The following SFTPD variants were observed in gnomAD, a reference collection of about 807,000 sequenced individuals.
SFTPD encodes the protein pulmonary surfactant-associated protein D.
Under a neutral mutation model 34.6 loss-of-function variants are expected in SFTPD, and 18 were observed. The observed-to-expected ratio is 0.52, with a 90% CI of 0.36 to 0.77. The LOEUF is 0.77. SFTPD is among the 30% of genes least tolerant of loss of function. The pLI is 0.00. For missense variants in SFTPD, 433 were observed against 468.9 expected (o/e 0.92, Z 0.71); for synonymous variants, 155 against 180.9 (o/e 0.86, Z 1.15).
chr10:79,951,014 AT>A (rs894717209), upstream of SFTPD: 1 of 151,580 alleles, frequency 6.6e-6, no homozygotes, highest in Non-Finnish European at 1.5e-5. Flanking sequence ...CCTTCAATAA[AT>A]TTTTATTTCT....
intron 2 of SFTPD, among the ~76,000 whole-genome samples, chr10:79,943,256 G>A (rs578161745): frequency 6.6e-6 from 1 of 152,254 alleles, no homozygotes; most frequent in East Asian, 1.9e-4. Flanking sequence ...GACAGGTGGT[G>A]CTAACTTGTT....
chr10:79,941,527 A>G lies in SFTPD; in HGVS notation c.551-13T>C. 6.3e-7 allele frequency: 1 copy of G among 1,574,994 alleles called. No individual in the cohort carries two copies. Among genetic ancestry groups the G allele is most frequent in the Non-Finnish European group, 8.6e-7 (1 of 1,160,864 alleles). On this transcript the variant is annotated splice_polypyrimidine_tract_variant and intron_variant, in intron 5 of 7. Coordinates refer to ENST00000372292, the MANE Select transcript of SFTPD (RefSeq NM_003019.5). ...GCTCCAGCAGACCCTGGGGTAAAAG[A>G]AGAACTGGGTGAGCTATGTACTCAT... is the stretch of plus-strand genomic sequence containing the variant.
intron 7 of SFTPD, among the ~76,000 whole-genome samples, chr10:79,938,743 G>A (rs1049508172): frequency 2.0e-5 from 3 of 152,176 alleles, no homozygotes; most frequent in Non-Finnish European, 4.4e-5. Context: ...TCTGTGCTGT[G>A]TGATGGGGTG....
chr10:79,958,728 A>C (rs1463237339), intron 1 of SFTPD, among the ~76,000 whole-genome samples: 1 of 152,226 alleles, frequency 6.6e-6, no homozygotes, highest in African/African-American at 2.4e-5. Flanking sequence ...AACATTAGAC[A>C]GATCAACAAG....
chr10:79,944,425 G>A (rs917525621), intron 2 of SFTPD, among the ~76,000 whole-genome samples: 2 of 152,154 alleles, frequency 1.3e-5, no homozygotes, highest in African/African-American at 4.8e-5. Flanking sequence ...CACTGAGAAG[G>A]TGATCCGGGA....
chr10:79,946,918 C>T (rs1334725746), intron 1 of SFTPD, among the ~76,000 whole-genome samples: 3 of 152,234 alleles, frequency 2.0e-5, no homozygotes, highest in African/African-American at 7.2e-5. Context: ...GTGCTCATGT[C>T]TTCCCTTCTT....
intron 1 of SFTPD, among the ~76,000 whole-genome samples, chr10:79,964,088 GC>G (rs1433059345): frequency 2.0e-5 from 3 of 152,060 alleles, no homozygotes; most frequent in African/African-American, 7.2e-5. Flanking sequence ...CTACCACTCT[GC>G]CCCCCTCCAC....
At chr10:79,952,843 AAAG>A (rs1337828236), upstream of SFTPD, among the ~76,000 whole-genome samples, 1 of 152,156 alleles carries the variant, frequency 6.6e-6, no homozygotes, top group Non-Finnish European at 1.5e-5. Context: ...GCTCTGCCCT[AAAG>A]AAGTTCCCAA....
rs539797598 is a variant in SFTPD at position 79,968,140 on chromosome 10, T to C, written c.36+14435A>G. 6.6e-5 allele frequency: 10 copies of C among 152,316 alleles called. No homozygotes were observed. In the East Asian group the frequency reaches 1.5e-3, roughly 23 times the overall value. 9.4% of individuals were successfully genotyped at this position (152,316 alleles called of 1,614,324 possible). The stretch of plus-strand genomic sequence containing the variant: ...TGGTCAAGTCAGGATAATCGGGATA[T>C]CCATAACCTCAAATAGTTATGATTT... On this transcript the variant is annotated intron_variant, in intron 1 of 5. Transcript: ENST00000444384.
intron 1 of SFTPD, among the ~76,000 whole-genome samples, chr10:79,979,848 C>G (rs145052485): frequency 6.6e-6 from 1 of 152,170 alleles, no homozygotes; most frequent in African/African-American, 2.4e-5. Context: ...CACTCCTCCC[C>G]GCCAACTCCA....
intron 1 of SFTPD, among the ~76,000 whole-genome samples, chr10:79,981,251 C>T (rs376249227): frequency 3.3e-5 from 5 of 152,004 alleles, no homozygotes; most frequent in African/African-American, 1.2e-4. Context: ...AATTAGTCAG[C>T]TTGAAGACAG....
At chr10:79,938,730 G>A (rs544403596) in intron 7 of SFTPD, among the ~76,000 whole-genome samples, 1 of 152,338 alleles carries the variant, frequency 6.6e-6, no homozygotes, top group East Asian at 1.9e-4. Flanking sequence ...TTGTCGGAGA[G>A]GGTCTGTGCT....
chr10:79,961,096 T>A (rs932517717), intron 1 of SFTPD, among the ~76,000 whole-genome samples: 1 of 152,130 alleles, frequency 6.6e-6, no homozygotes, highest in Non-Finnish European at 1.5e-5. Flanking sequence ...TAGCCATAAG[T>A]AGAAAGCTGA....
chr10:79,948,988 T>C (rs726014), intron 1 of SFTPD, 78 bp downstream of exon 1: 25,733 of 152,124 alleles, frequency 0.17, 2,756 homozygotes, highest in East Asian at 0.41. Context: ...CACCAATAGG[T>C]TGAATTGCCC....
intron 1 of SFTPD, among the ~76,000 whole-genome samples, chr10:79,954,340 C>T (rs948627887): frequency 2.6e-5 from 4 of 152,286 alleles, no homozygotes; most frequent in East Asian, 3.9e-4. Flanking sequence ...GCAGACAACC[C>T]GCTGTTGGTG....
chr10:79,943,060 G>A (rs1418640744), intron 2 of SFTPD, among the ~76,000 whole-genome samples, 181 bp from the exon 3 acceptor site: 1 of 152,130 alleles, frequency 6.6e-6, no homozygotes, highest in Non-Finnish European at 1.5e-5. Flanking sequence ...TTATAGATGA[G>A]GAAGAAGCCT....
chr10:79,945,822 C>T (rs1307757572), intron 2 of SFTPD, among the ~76,000 whole-genome samples: 1 of 152,178 alleles, frequency 6.6e-6, no homozygotes, highest in Non-Finnish European at 1.5e-5. Context: ...TGATGCAGAG[C>T]CTTCGTCCTT....
At chr10:79,941,922 C>A in intron 5 of SFTPD, 32 bp downstream of exon 5, 1 of 1,449,664 alleles carries the variant, frequency 6.9e-7, no homozygotes, top group South Asian at 1.2e-5. Context: ...GAGAACTGGA[C>A]CCAGCCCAGC....
rs1443610790 is a variant in SFTPD at position 79,940,916 on chromosome 10, C to CGG, written c.668-129_668-128insCC. On this transcript the variant is annotated intron_variant, in intron 6 of 7. Coordinates refer to ENST00000372292, the MANE Select transcript of SFTPD (RefSeq NM_003019.5). The stretch of plus-strand genomic sequence containing the variant: ...GTGGGGCTGACCCACAGCAAGCCCA[C>CGG]ATCTACTGACACAGCTGGCCTCTGC... 9.5e-6 allele frequency: 6 copies of CGG among 629,108 alleles called. No individual in the cohort carries two copies. The East Asian group carries it at 1.4e-4, about 14-fold the overall frequency. 39.0% of individuals were successfully genotyped at this position (629,108 alleles called of 1,614,324 possible).
Sources: allele counts gnomAD v4.1 joint callset (sites outside exome capture counted in the v4.1 genomes callset), GRCh38; gene constraint gnomAD v4.1.1; transcripts MANE v1.5; gene names NCBI Gene and HGNC (gene_info 2026-07-23, HGNC 2026-07-21).